ZCCHC9: variants seen among roughly 807,000 people sequenced by gnomAD.
ZCCHC9 encodes the protein zinc finger CCHC domain-containing protein 9.
In ZCCHC9, 18 loss-of-function variants were observed where a neutral mutation model predicts 30.8. That is an observed-to-expected ratio of 0.58 (90% confidence interval 0.40 to 0.87). ZCCHC9 has a LOEUF of 0.87. Ranked by LOEUF, ZCCHC9 falls within the 40% of genes least tolerant of loss-of-function variation. The probability of loss-of-function intolerance (pLI) is 0.00; values close to 1 mark genes in which losing one functional copy is unlikely to be tolerated. For missense variants in ZCCHC9, 279 were observed against 331.2 expected, an observed-to-expected ratio of 0.84 and a Z score of 1.22; for synonymous variants, 94 against 106.7, an observed-to-expected ratio of 0.88 and a Z score of 0.73.
At chr5:81,308,475 T>C in intron 2 of ZCCHC9, 86 bp from the exon 3 acceptor site, 1 of 1,392,498 alleles carries the variant, frequency 7.2e-7, no homozygotes, top group Non-Finnish European at 9.4e-7. Flanking sequence ...AGATGAGAAA[T>C]GTTTTAAATA....
Position 81,308,583 on chromosome 5 carries a change from C to T in ZCCHC9, c.407C>T (p.Pro136Leu), listed in dbSNP as rs1174734255. The change falls in exon 3 of 6, where the codon CCT (proline) becomes CTT (leucine). Residue 136 changes from proline to leucine, a missense_variant. Transcript: ENST00000407610. ...TAGGTGTGTTTCCATTGTAGAAAAC[C>T]TGGTCATGGAATTGCAGATTGCCCC... is the stretch of plus-strand genomic sequence containing the variant. ...NAMVCFHCRK[P>L]GHGIADCPAA... 4 of 1,612,484 alleles carry T rather than the reference C, an allele frequency of 2.5e-6. No homozygotes were observed. The highest frequency in any genetic ancestry group is 1.1e-5 in the South Asian group (1 of 90,868).
At chr5:81,312,428 T>C in intron 5 of ZCCHC9, 116 bp from the exon 6 acceptor site, 1 of 749,240 alleles carries the variant, frequency 1.3e-6, no homozygotes, top group South Asian at 1.8e-5. Flanking sequence ...GATGGAGTCT[T>C]CCCTCCTTGT....
intron 4 of ZCCHC9, 45 bp from the exon 5 acceptor site, chr5:81,311,166 C>T (rs184473674): frequency 6.2e-7 from 1 of 1,607,528 alleles, no homozygotes; most frequent in East Asian, 2.2e-5. Flanking sequence ...TTAAAAACCC[C>T]TTGCAAGTAT....
chr5:81,308,175 A>T (rs1758145446), intron 2 of ZCCHC9, among the ~76,000 whole-genome samples: 1 of 152,060 alleles, frequency 6.6e-6, no homozygotes, highest in South Asian at 2.1e-4. Context: ...ATACAAATAC[A>T]AATTTTGAGT....
In ZCCHC9 at chr5:81,304,806, C is replaced by T. The variant is rs781309198; in HGVS notation, c.49C>T (p.Pro17Ser). 1 of 1,612,140 alleles carries T rather than the reference C, an allele frequency of 6.2e-7. No individual in the cohort carries two copies. The highest frequency in any genetic ancestry group is 1.1e-5 in the South Asian group (1 of 90,568). ...VSTTYNKRPLPATSWEDMKKG... is the reference protein window; with the variant it reads ...VSTTYNKRPLSATSWEDMKKG... Reference sequence around the variant, plus strand: ...TACCACATATAACAAGAGACCCTTGCCTGCAACATCATGGGAGGACATGAA... The same window carrying T: ...TACCACATATAACAAGAGACCCTTGTCTGCAACATCATGGGAGGACATGAA... The change falls in exon 2 of 6, where the codon CCT (proline) becomes TCT (serine). Residue 17 changes from proline (P) to serine (S), a missense_variant. Coordinates refer to ENST00000407610, the MANE Select transcript of ZCCHC9 (RefSeq NM_001131035.2).
intron 4 of ZCCHC9, among the ~76,000 whole-genome samples, chr5:81,310,192 A>G (rs1253472042): frequency 6.7e-6 from 1 of 149,170 alleles, no homozygotes; most frequent in Non-Finnish European, 1.5e-5. Flanking sequence ...TAATGCAGCA[A>G]GGAGAGTAGA....
At chr5:81,310,137 T>A (rs1758228730) in intron 4 of ZCCHC9, among the ~76,000 whole-genome samples, 1 of 129,866 alleles carries the variant, frequency 7.7e-6, no homozygotes, top group Non-Finnish European at 1.5e-5. Flanking sequence ...CTTTCACTGG[T>A]CAACCAAAGT....
At chr5:81,309,485 G>A (rs571018221) in intron 4 of ZCCHC9, among the ~76,000 whole-genome samples, 4 of 152,236 alleles carry the variant, frequency 2.6e-5, no homozygotes, top group African/African-American at 9.6e-5. Flanking sequence ...GTCTGGTATG[G>A]GATCATGTAG....
chr5:81,304,889 C>T lies in ZCCHC9; in HGVS notation c.132C>T (p.Ala44=). The stretch of plus-strand genomic sequence containing the variant: ...TACCAAAGCGTAAACAACTTGAAGC[C>T]AATAGGCTATCCCTCAAAAATGATG... ...QNLPKRKQLE[A]NRLSLKNDAP... is the part of the protein sequence containing the mutation. Residue 44 remains alanine, a synonymous_variant, in exon 2 of 6, where the codon GCC becomes GCT. Coordinates refer to ENST00000407610, the MANE Select transcript of ZCCHC9 (RefSeq NM_001131035.2). 6.2e-7 allele frequency: 1 copy of T among 1,613,878 alleles called. No homozygotes were observed. Among genetic ancestry groups the T allele is most frequent in the African/African-American group, 1.3e-5 (1 of 74,918 alleles).
intron 5 of ZCCHC9, among the ~76,000 whole-genome samples, chr5:81,311,958 C>T (rs112301822): frequency 0.012 from 1,851 of 152,176 alleles, 29 homozygotes; most frequent in African/African-American, 0.043. Context: ...TTTTATTTCA[C>T]GTAGTCACAA....
At chr5:81,311,661 A>G (rs867963689) in intron 5 of ZCCHC9, among the ~76,000 whole-genome samples, 3 of 152,234 alleles carry the variant, frequency 2.0e-5, no homozygotes, top group Non-Finnish European at 4.4e-5. Context: ...GTCCTTATGT[A>G]TGCTTTGCTT....
chr5:81,312,694 C>T lies in ZCCHC9; in HGVS notation c.*32C>T. 6.7e-7 allele frequency: 1 copy of T among 1,502,926 alleles called. No homozygotes were observed. 93.1% of individuals were successfully genotyped at this position (1,502,926 alleles called of 1,614,324 possible). On this transcript the variant is annotated 3_prime_UTR_variant, in exon 6 of 6. Coordinates refer to ENST00000407610, the MANE Select transcript of ZCCHC9 (RefSeq NM_001131035.2). Reference sequence around the variant, plus strand: ...CTAGCACTATCATGAGTTACTACCTCATTGTTACTTTCTAAACCAGGCCCG... The same window carrying T: ...CTAGCACTATCATGAGTTACTACCTTATTGTTACTTTCTAAACCAGGCCCG...
At chr5:81,304,436 A>G (rs1304016822) in intron 1 of ZCCHC9, 1 of 188,254 alleles carries the variant, frequency 5.3e-6, no homozygotes, top group Non-Finnish European at 1.1e-5. Context: ...TTGTATTACT[A>G]TCTGATTTAT....
chr5:81,308,534 G>A (rs200307976), intron 2 of ZCCHC9, 27 bp from the exon 3 acceptor site: 21 of 1,593,540 alleles, frequency 1.3e-5, no homozygotes, highest in African/African-American at 5.4e-5. Context: ...GTTTTGCAGC[G>A]TGCCAACCTA....
rs186140152 is a variant in ZCCHC9 at position 81,309,054 on chromosome 5, C to T, written c.628+16C>T. 985 of 1,548,890 alleles carry T rather than the reference C, an allele frequency of 6.4e-4. 1 individual carries two copies. The highest frequency in any genetic ancestry group is 8.2e-4 in the Non-Finnish European group (932 of 1,134,198). On this transcript the variant is annotated intron_variant, in intron 4 of 5. Transcript: ENST00000407610. ...TATGCTGATGGTAAGTACTGTTACC[C>T]TCATATAGCAGAAATGGTGAGTCAT... is the stretch of plus-strand genomic sequence containing the variant.
intron 1 of ZCCHC9, chr5:81,302,427 G>T (rs1302613971): frequency 6.6e-6 from 1 of 152,244 alleles, no homozygotes; most frequent in Non-Finnish European, 1.5e-5. Context: ...AGCCAAGATC[G>T]CCCACTGCAC....
rs762931136 is a variant in ZCCHC9 at position 81,308,672 on chromosome 5, G to A, written c.496G>A (p.Glu166Lys). Residue 166 changes from glutamate to lysine, a missense_variant, in exon 3 of 6, where the codon GAA becomes AAA. By Grantham distance (56) the Glu-to-Lys change is moderately conservative. Coordinates refer to ENST00000407610, the MANE Select transcript of ZCCHC9 (RefSeq NM_001131035.2). ...ICYRCGSTEH[E>K]ITKCKAKVDP... ...TTACAGGTGTGGGTCCACAGAGCAC[G>A]AAATAACCAAGTGTAAGGCTAAAGT... 7.4e-6 allele frequency: 12 copies of A among 1,613,196 alleles called. 1 individual carries two copies. In the South Asian group the frequency reaches 9.9e-5, roughly 13 times the overall value.
At position 81,312,759 on chromosome 5, in the gene ZCCHC9, A is replaced by G. The variant is rs543773800; in HGVS notation, c.*97A>G. On this transcript the variant is annotated 3_prime_UTR_variant, in exon 6 of 6. Coordinates refer to ENST00000407610, the MANE Select transcript of ZCCHC9 (RefSeq NM_001131035.2). ...GTTGAGCTCCCCTGTAGCCAGGACT[A>G]TGCTGTAGATATCAGTATGATCTGG... 1.7e-5 allele frequency: 14 copies of G among 844,098 alleles called. No individual in the cohort carries two copies. In the East Asian group the frequency reaches 2.0e-4, roughly 12 times the overall value. The allele number at this position is 844,098 out of a possible 1,614,324, so 52.3% of individuals were successfully genotyped here.
chr5:81,309,010 T>C lies in ZCCHC9; in HGVS notation c.600T>C (p.Pro200=), dbSNP rs147501572. 6.4e-5 allele frequency: 104 copies of C among 1,612,778 alleles called. No homozygotes were observed. In the African/African-American group the frequency reaches 1.3e-3, roughly 21 times the overall value. Residue 200 remains proline (P), a synonymous_variant, in exon 4 of 6, where the codon CCT becomes CCC. Transcript: ENST00000407610. ...TGGGGCACCTGTCTAGATCTTGTCC[T>C]GATAATCCCAAAGGACTCTATGCTG... ...GEMGHLSRSC[P]DNPKGLYADG...
Sources: allele counts gnomAD v4.1 joint callset (sites outside exome capture counted in the v4.1 genomes callset), GRCh38; gene constraint gnomAD v4.1.1; transcripts MANE v1.5; gene names NCBI Gene and HGNC (gene_info 2026-07-23, HGNC 2026-07-21).